The following SHANK2 variants were observed in gnomAD, a reference collection of about 807,000 sequenced individuals.
SHANK2 encodes SH3 and multiple ankyrin repeat domains 2.
Under a neutral mutation model 133.7 loss-of-function variants are expected in SHANK2, and 43 were observed. The ratio of observed to expected loss-of-function variants is 0.32; its 90% CI spans 0.25 to 0.41. The LOEUF is 0.41. SHANK2 is among the 10% of genes least tolerant of loss of function. The pLI is 1.00. For missense variants in SHANK2, 1,994 were observed against 2,235.8 expected (o/e 0.89, Z 2.18); for synonymous variants, 1,017 against 952.8 (o/e 1.07, Z -1.24).
chr11:70,566,842 A>T (rs2136155768), intron 17 of SHANK2, among the ~76,000 whole-genome samples: 1 of 152,316 alleles, frequency 6.6e-6, no homozygotes, highest in Middle Eastern at 3.4e-3. Context: ...AGACCTTTGG[A>T]TATGCCAATC....
intron 1 of SHANK2, among the ~76,000 whole-genome samples, chr11:71,235,346 C>A (rs1954812657): frequency 6.6e-6 from 1 of 152,198 alleles, no homozygotes; most frequent in African/African-American, 2.4e-5. Flanking sequence ...GTAATCCCAG[C>A]ACTTTGGGAG....
intron 11 of SHANK2, among the ~76,000 whole-genome samples, chr11:70,880,595 T>C (rs1555072242): frequency 6.6e-6 from 1 of 152,242 alleles, no homozygotes; most frequent in Non-Finnish European, 1.5e-5. Flanking sequence ...CATGTGCCCA[T>C]GGAACACAGA....
At chr11:71,170,368 T>A (rs1182402483) in intron 2 of SHANK2, among the ~76,000 whole-genome samples, 1 of 152,222 alleles carries the variant, frequency 6.6e-6, no homozygotes, top group Non-Finnish European at 1.5e-5. Flanking sequence ...TAATAATGAA[T>A]GACATTTATA....
chr11:71,069,108 A>G lies in SHANK2; in HGVS notation c.1029+6051T>C, dbSNP rs942647632. Among the ~76,000 whole-genome samples the G allele has an allele frequency of 2.6e-3, 381 of 147,544 alleles. 1 individual carries two copies. Among genetic ancestry groups the G allele is most frequent in the African/African-American group, 9.4e-3 (372 of 39,424 alleles). ...CACCATCATCACCATCATCATTATC[A>G]ACCACCACCATCATCACCATCACCA... On this transcript the variant is annotated intron_variant, in intron 9 of 25. Transcript: ENST00000601538.
rs113835444 is a variant in SHANK2 at position 70,889,773 on chromosome 11, T to TCAGGAC, written c.1174+6722_1174+6727dup. ...TAGGGCAGGCGAGTCAAGATGACAG[T>TCAGGAC]CAGGACCAGGACCAGGACCAGGAGT... On this transcript the variant is annotated intron_variant, in intron 11 of 25. Coordinates refer to ENST00000601538, the MANE Select transcript of SHANK2 (RefSeq NM_012309.5). 4.3e-4 allele frequency among the ~76,000 whole-genome samples: 65 copies of TCAGGAC among 152,136 alleles called. 1 individual carries two copies. Among genetic ancestry groups the TCAGGAC allele is most frequent in the African/African-American group, 8.0e-4 (33 of 41,506 alleles).
intron 15 of SHANK2, among the ~76,000 whole-genome samples, chr11:70,662,849 G>A (rs1389699670): frequency 2.6e-5 from 4 of 152,134 alleles, no homozygotes; most frequent in Admixed American, 6.5e-5. Context: ...TCCAGGCTGC[G>A]GCTGAACTGT....
intron 1 of SHANK2, among the ~76,000 whole-genome samples, chr11:71,237,855 G>A (rs1281271695): frequency 6.6e-6 from 1 of 152,166 alleles, no homozygotes; most frequent in Non-Finnish European, 1.5e-5. Context: ...TCCATGTTAG[G>A]AAAAGCCACT....
intron 15 of SHANK2, chr11:70,698,339 T>G: frequency 3.3e-6 from 1 of 304,078 alleles, no homozygotes; most frequent in Non-Finnish European, 6.3e-6. Flanking sequence ...GCATCCGAAA[T>G]ACTCCCCCGG....
intron 2 of SHANK2, among the ~76,000 whole-genome samples, chr11:71,199,551 G>A (rs1024992383): frequency 6.6e-6 from 1 of 152,230 alleles, no homozygotes; most frequent in African/African-American, 2.4e-5. Context: ...GGCTCTCAAA[G>A]CCTTCGCTAA....
chr11:70,494,086 C>T (rs138671775), intron 21 of SHANK2, among the ~76,000 whole-genome samples: 1 of 152,218 alleles, frequency 6.6e-6, no homozygotes, highest in African/African-American at 2.4e-5. Flanking sequence ...CCAGAGGTCC[C>T]CACAAGAGGA....
chr11:70,672,720 C>T (rs1944835927), intron 15 of SHANK2, among the ~76,000 whole-genome samples: 1 of 152,250 alleles, frequency 6.6e-6, no homozygotes, highest in South Asian at 2.1e-4. Context: ...TTGTGATTTG[C>T]TTGTTCACTC....
intron 11 of SHANK2, among the ~76,000 whole-genome samples, chr11:70,845,839 C>T (rs1272113581): frequency 1.3e-5 from 2 of 152,286 alleles, no homozygotes; most frequent in South Asian, 2.1e-4. Flanking sequence ...AAATAGACAC[C>T]GGAGAGGTGG....
chr11:70,786,826 C>T (rs1320425770), intron 14 of SHANK2, among the ~76,000 whole-genome samples: 4 of 152,166 alleles, frequency 2.6e-5, no homozygotes, highest in Non-Finnish European at 5.9e-5. Flanking sequence ...AGCATCATCC[C>T]TTTATCATCT....
intron 2 of SHANK2, among the ~76,000 whole-genome samples, chr11:71,204,664 C>T (rs1322151245): frequency 6.6e-6 from 1 of 152,180 alleles, no homozygotes; most frequent in African/African-American, 2.4e-5. Flanking sequence ...GAGGTTTCAG[C>T]TGGGGCCACT....
At chr11:71,218,963 T>C (rs1174134342) in intron 2 of SHANK2, among the ~76,000 whole-genome samples, 1 of 152,180 alleles carries the variant, frequency 6.6e-6, no homozygotes, top group Non-Finnish European at 1.5e-5. Flanking sequence ...GTGGCATCTG[T>C]GCACCCCACA....
At chr11:70,561,585 G>A (rs782370994) in intron 17 of SHANK2, among the ~76,000 whole-genome samples, 7 of 151,738 alleles carry the variant, frequency 4.6e-5, no homozygotes, top group East Asian at 3.9e-4. Flanking sequence ...CTGGAGTGCC[G>A]TGGTGCAATC....
At chr11:71,119,578 C>CAAAAAAAAAAAAAA (rs55759811) in intron 3 of SHANK2, among the ~76,000 whole-genome samples, 18 of 134,444 alleles carry the variant, frequency 1.3e-4, no homozygotes, top group African/African-American at 4.2e-4. Flanking sequence ...GACTCCATCT[C>CAAAAAAAAAAAAAA]AAAAAAAAAA....
At chr11:70,752,887 G>A (rs183182205) in intron 14 of SHANK2, among the ~76,000 whole-genome samples, 1 of 152,090 alleles carries the variant, frequency 6.6e-6, no homozygotes, top group African/African-American at 2.4e-5. Flanking sequence ...GCCGAGGCAG[G>A]CAGATCACGT....
intron 17 of SHANK2, among the ~76,000 whole-genome samples, chr11:70,582,927 G>T (rs782154435): frequency 1.4e-4 from 22 of 152,218 alleles, no homozygotes; most frequent in Non-Finnish European, 3.2e-4. Flanking sequence ...GGTCTGAGAA[G>T]CCCCAGGAAT....
Sources: gnomAD v4.1 joint callset for allele counts (sites outside exome capture counted in the v4.1 genomes callset) on GRCh38, gnomAD v4.1.1 for gene constraint, MANE v1.5 for transcripts, NCBI Gene and HGNC (gene_info 2026-07-23, HGNC 2026-07-21) for gene names.